CBFA2T3: variants seen among roughly 807,000 people sequenced by gnomAD.
CBFA2T3 encodes the protein transcriptional corepressor CBFA2T3.
In CBFA2T3, 31 loss-of-function variants were observed where a neutral mutation model predicts 58.6. That is an observed-to-expected ratio of 0.53 (90% CI 0.40 to 0.71). The LOEUF (loss-of-function observed/expected upper bound fraction) is 0.71, where lower values mean the gene tolerates loss of function less well. Among genes scored for constraint, CBFA2T3 ranks in the 30% least tolerant of loss-of-function variants. The pLI is 0.00. For missense variants in CBFA2T3, 1,076 were observed against 963.1 expected, an observed-to-expected ratio of 1.12 and a Z score of -1.55; for synonymous variants, 531 against 421.9, an observed-to-expected ratio of 1.26 and a Z score of -3.17.
rs1291723869 is a variant in CBFA2T3 at position 88,930,342 on chromosome 16, A to G, written c.152-28686T>C. 3.3e-5 allele frequency among the ~76,000 whole-genome samples: 5 copies of G among 150,040 alleles called. No individual in the cohort carries two copies. The South Asian group carries it at 1.1e-3, about 32-fold the overall frequency. On this transcript the variant is annotated intron_variant, in intron 1 of 11. Coordinates refer to ENST00000268679, the MANE Select transcript of CBFA2T3 (RefSeq NM_005187.6). ...AAAAGCTACCAATACCCACAGCTGC[A>G]TCGTCCACGCAAAAGCTACCCATGC...
chr16:88,882,715 T>G lies in CBFA2T3; in HGVS notation c.1164A>C (p.Thr388=), dbSNP rs1320569425. 6.3e-7 allele frequency: 1 copy of G among 1,591,694 alleles called. No individual in the cohort carries two copies. The highest frequency in any genetic ancestry group is 8.6e-7 in the Non-Finnish European group (1 of 1,169,360). ...RQEEVIDHKL[T]EREWAEEWKH... is the part of the protein sequence containing the mutation. ...TCCACTCTTCTGCCCACTCACGCTC[T>G]GTGAGCTTGTGGTCGATCACTTCTT... The change falls in exon 8 of 12, where the codon ACA becomes ACC. Residue 388 remains threonine (T), a synonymous_variant. Transcript: ENST00000268679.
intron 8 of CBFA2T3, among the ~76,000 whole-genome samples, chr16:88,882,371 G>A (rs576390581): frequency 1.2e-4 from 18 of 151,156 alleles, no homozygotes; most frequent in African/African-American, 3.4e-4. Flanking sequence ...TGTACATGGG[G>A]GGGTTGTGTG....
intron 1 of CBFA2T3, among the ~76,000 whole-genome samples, chr16:88,946,260 C>T (rs1319635135): frequency 1.3e-5 from 2 of 151,326 alleles, no homozygotes; most frequent in African/African-American, 2.4e-5. Context: ...TGGCAGTGAG[C>T]CAAGATCATG....
In CBFA2T3 at chr16:88,905,704, CGGGGCTGGAGGGGCG is replaced by C. The variant is rs1329523215; in HGVS notation, c.152-4063_152-4049del. Among the ~76,000 whole-genome samples, 30 of 56,854 alleles carry C rather than the reference CGGGGCTGGAGGGGCG, an allele frequency of 5.3e-4. 1 individual carries two copies. The highest frequency in any genetic ancestry group is 2.1e-3 in the African/African-American group (29 of 13,574). The allele number at this position is 56,854 out of a possible 152,430, so 37.3% of individuals were successfully genotyped here. ...AGGAGGGGCGGGGCTGAAGGAGGGGCGGGGCTGGAGGGGCGGGGCTGAAGGAGGGGCGGGACTGGA... is the reference window on the plus strand; with the variant it reads ...AGGAGGGGCGGGGCTGAAGGAGGGGCGGGCTGAAGGAGGGGCGGGACTGGA... On this transcript the variant is annotated intron_variant, in intron 1 of 11. Coordinates refer to ENST00000268679, the MANE Select transcript of CBFA2T3 (RefSeq NM_005187.6).
At chr16:88,959,550 C>T (rs894703422) in intron 1 of CBFA2T3, among the ~76,000 whole-genome samples, 7 of 152,118 alleles carry the variant, frequency 4.6e-5, no homozygotes, top group South Asian at 4.2e-4. Flanking sequence ...AAAAGCCAGG[C>T]GCAGTAGAGA....
At chr16:88,976,601 G>C (rs1348956612) in intron 1 of CBFA2T3, 56 bp downstream of exon 1, 4 of 1,360,964 alleles carry the variant, frequency 2.9e-6, no homozygotes, top group Non-Finnish European at 4.1e-6. Flanking sequence ...TCACAGCCCC[G>C]GCACCGGCTG....
intron 1 of CBFA2T3, among the ~76,000 whole-genome samples, chr16:88,928,028 C>G (rs534246912): frequency 6.6e-6 from 1 of 152,338 alleles, no homozygotes; most frequent in Non-Finnish European, 1.5e-5. Flanking sequence ...CCCACCGCTG[C>G]TGACCGAGCC....
chr16:88,928,589 C>T (rs937766979), intron 1 of CBFA2T3, among the ~76,000 whole-genome samples: 11 of 152,242 alleles, frequency 7.2e-5, no homozygotes, highest in African/African-American at 1.2e-4. Context: ...CCGGCGACCC[C>T]GGGCGCTGTC....
chr16:88,888,162 C>A (rs1436438189), intron 5 of CBFA2T3, among the ~76,000 whole-genome samples: 1 of 151,952 alleles, frequency 6.6e-6, no homozygotes, highest in East Asian at 2.0e-4. Context: ...GAGAGAGGGC[C>A]CAAGCCAGGG....
chr16:88,975,398 G>A (rs930779499), intron 1 of CBFA2T3, among the ~76,000 whole-genome samples: 15 of 152,172 alleles, frequency 9.9e-5, no homozygotes, highest in East Asian at 1.9e-4. Context: ...CTCTCCATGC[G>A]CCTCAGAGCC....
rs1015712802 is a variant in CBFA2T3, at chr16:88,977,190, C to T, written c.-383G>A. 5 of 269,350 alleles carry T rather than the reference C, an allele frequency of 1.9e-5. No homozygotes were observed. The highest frequency in any genetic ancestry group is 3.6e-5 in the Non-Finnish European group (5 of 139,670). 16.7% of individuals were successfully genotyped at this position (269,350 alleles called of 1,614,324 possible). ...GGGGCCCTGCCCTGCGCGGCCTTCC[C>T]TCGGGCCATTCCGGTTTGACCTTCC... On this transcript the variant is annotated 5_prime_UTR_variant, in exon 1 of 12. Coordinates refer to ENST00000268679, the MANE Select transcript of CBFA2T3 (RefSeq NM_005187.6).
At chr16:88,976,439 C>T (rs995106510) in intron 1 of CBFA2T3, among the ~76,000 whole-genome samples, 4 of 152,132 alleles carry the variant, frequency 2.6e-5, no homozygotes, top group Admixed American at 6.5e-5. Flanking sequence ...GGGCACCTGG[C>T]TGGCACCTGC....
intron 11 of CBFA2T3, 139 bp downstream of exon 11, chr16:88,879,131 G>A: frequency 4.2e-6 from 3 of 708,854 alleles, no homozygotes; most frequent in Admixed American, 2.4e-5. Context: ...AGTGTGGGCG[G>A]GGATGGCGTG....
chr16:88,943,324 G>A (rs1366790552), intron 1 of CBFA2T3, among the ~76,000 whole-genome samples: 22 of 152,206 alleles, frequency 1.4e-4, no homozygotes, highest in Admixed American at 1.1e-3. Context: ...CCGTGGTCTC[G>A]GTTCTCTGGA....
At chr16:88,961,789 AACCGAC>A in intron 1 of CBFA2T3, among the ~76,000 whole-genome samples, 1 of 125,548 alleles carries the variant, frequency 8.0e-6, no homozygotes, top group Non-Finnish European at 1.7e-5. Flanking sequence ...ACTGCATAGT[AACCGAC>A]ACTCAGCGCT....
intron 1 of CBFA2T3, among the ~76,000 whole-genome samples, chr16:88,906,957 G>A (rs1422514885): frequency 6.6e-6 from 1 of 152,228 alleles, no homozygotes; most frequent in African/African-American, 2.4e-5. Flanking sequence ...GGCTCGTACT[G>A]GAGGCTGGGG....
chr16:88,912,178 C>A (rs567221209), intron 1 of CBFA2T3, among the ~76,000 whole-genome samples: 3 of 152,386 alleles, frequency 2.0e-5, no homozygotes, highest in African/African-American at 4.8e-5. Flanking sequence ...TGGCTCCAGG[C>A]GGACCTGGCC....
intron 1 of CBFA2T3, chr16:88,941,308 G>T (rs1168111403): frequency 2.2e-5 from 7 of 323,880 alleles, no homozygotes; most frequent in Non-Finnish European, 3.1e-5. Flanking sequence ...TCCAGCCGCC[G>T]CGCCTGTGGC....
intron 5 of CBFA2T3, among the ~76,000 whole-genome samples, chr16:88,890,671 G>A (rs75628943): frequency 1.4e-3 from 206 of 152,302 alleles, no homozygotes; most frequent in African/African-American, 4.6e-3. Flanking sequence ...CTGTGTGTGC[G>A]TGGGAATCAC....
Sources: allele counts gnomAD v4.1 joint callset (sites outside exome capture counted in the v4.1 genomes callset), GRCh38; gene constraint gnomAD v4.1.1; transcripts MANE v1.5; gene names NCBI Gene and HGNC (gene_info 2026-07-23, HGNC 2026-07-21).